Variants in INPP4B observed in about 807,000 individuals in gnomAD.
INPP4B encodes inositol polyphosphate-4-phosphatase type II B.
In INPP4B, 55 loss-of-function variants were observed where a neutral mutation model predicts 122.5. That is an observed-to-expected ratio of 0.45 (90% CI 0.36 to 0.56). The LOEUF is 0.56. Ranked by LOEUF, INPP4B falls within the 20% of genes least tolerant of loss-of-function variation. The pLI, the probability that INPP4B is intolerant of heterozygous loss-of-function variation, is 0.00. For synonymous variants in INPP4B, 403 were observed against 388.7 expected (o/e 1.04, Z -0.43); for missense variants, 1,000 against 1,097.7 (o/e 0.91, Z 1.26).
intron 2 of INPP4B, among the ~76,000 whole-genome samples, chr4:142,610,780 A>G (rs769061226): frequency 6.6e-6 from 1 of 152,184 alleles, no homozygotes; most frequent in Non-Finnish European, 1.5e-5. Context: ...AAATATATAT[A>G]TGTATGTGTA....
intron 10 of INPP4B, among the ~76,000 whole-genome samples, chr4:142,263,639 AATATATATATATATATATATATATATAT>A (rs36227189): frequency 4.8e-5 from 2 of 41,808 alleles, no homozygotes; most frequent in Admixed American, 2.4e-4. Flanking sequence ...AAATTCGTAA[AATATATATATATATATATATATATATAT>A]ATATATATAT....
chr4:142,524,915 G>C (rs548994360), intron 2 of INPP4B, among the ~76,000 whole-genome samples: 1 of 152,000 alleles, frequency 6.6e-6, no homozygotes, highest in Non-Finnish European at 1.5e-5. Context: ...AGGAAATAAA[G>C]GGCATTCAAT....
intron 25 of INPP4B, among the ~76,000 whole-genome samples, chr4:142,030,995 A>T (rs748794036): frequency 2.6e-5 from 4 of 152,146 alleles, no homozygotes; most frequent in Non-Finnish European, 5.9e-5. Flanking sequence ...CTGAAAAGAG[A>T]CCCATATTTA....
intron 2 of INPP4B, among the ~76,000 whole-genome samples, chr4:142,689,183 G>A (rs1023148695): frequency 4.6e-5 from 7 of 152,142 alleles, no homozygotes; most frequent in Non-Finnish European, 1.0e-4. Context: ...TAGGCAGCGG[G>A]CAAGGAGAAC....
In INPP4B at chr4:142,490,912, T is replaced by C. The variant is rs192277811; in HGVS notation, c.-190-28186A>G. Among the ~76,000 whole-genome samples, 625 of 152,330 alleles carry C rather than the reference T, an allele frequency of 4.1e-3. 4 individuals carry two copies. The highest frequency in any genetic ancestry group is 0.014 in the African/African-American group (594 of 41,590). On this transcript the variant is annotated intron_variant, in intron 2 of 25. Transcript: ENST00000262992. The stretch of plus-strand genomic sequence containing the variant: ...GACAGGATTTCCTACTTTTTAAGGC[T>C]GAATAGTATAATACTTCATTGTGTA...
intron 9 of INPP4B, among the ~76,000 whole-genome samples, chr4:142,299,245 C>CCGTCCTGGGCTCAAAAAGGGAT (rs1310753026): frequency 8.5e-6 from 1 of 118,152 alleles, no homozygotes; most frequent in East Asian, 3.0e-4. Context: ...TGCAACTTCA[C>CCGTCCTGGGCTCAAAAAGGGAT]CCTCCTGGGC....
chr4:142,345,550 G>C (rs946547264), intron 7 of INPP4B, among the ~76,000 whole-genome samples: 3 of 151,914 alleles, frequency 2.0e-5, no homozygotes, highest in African/African-American at 7.2e-5. Flanking sequence ...TTTGAAGTGG[G>C]AATAGTACAC....
intron 15 of INPP4B, among the ~76,000 whole-genome samples, chr4:142,187,526 C>T (rs1178263198): frequency 1.3e-5 from 2 of 151,426 alleles, no homozygotes; most frequent in East Asian, 1.9e-4. Context: ...GTGTGTATAT[C>T]TATCTATATA....
chr4:142,310,938 C>T (rs971828958), intron 8 of INPP4B, among the ~76,000 whole-genome samples: 2 of 152,066 alleles, frequency 1.3e-5, no homozygotes, highest in East Asian at 1.9e-4. Flanking sequence ...TTAGTATTTG[C>T]TTGACTAAGT....
At chr4:142,564,480 A>AAG (rs1553960111) in intron 2 of INPP4B, among the ~76,000 whole-genome samples, 3 of 149,904 alleles carry the variant, frequency 2.0e-5, no homozygotes, top group Admixed American at 6.6e-5. Context: ...AGAAAGAAAA[A>AAG]AAAGAAACTC....
chr4:142,182,623 T>C (rs894839160), intron 15 of INPP4B, among the ~76,000 whole-genome samples: 1 of 151,884 alleles, frequency 6.6e-6, no homozygotes, highest in Non-Finnish European at 1.5e-5. Flanking sequence ...TTTTCTTATT[T>C]CTCAAAATGT....
At chr4:142,540,595 G>T (rs1828824324) in intron 2 of INPP4B, among the ~76,000 whole-genome samples, 1 of 152,188 alleles carries the variant, frequency 6.6e-6, no homozygotes, top group South Asian at 2.1e-4. Flanking sequence ...TCCAGATGAA[G>T]TCCTGAGGCA....
chr4:142,610,629 T>C (rs147278872), intron 2 of INPP4B, among the ~76,000 whole-genome samples: 8 of 152,194 alleles, frequency 5.3e-5, no homozygotes, highest in Non-Finnish European at 1.2e-4. Flanking sequence ...TACTCCTAAT[T>C]AGTTGTGTGG....
chr4:142,236,556 CA>C (rs1238776218), intron 12 of INPP4B, among the ~76,000 whole-genome samples: 1 of 152,178 alleles, frequency 6.6e-6, no homozygotes. Flanking sequence ...TTATTATCCT[CA>C]CTCTGCTACT....
chr4:142,679,774 T>G (rs113103068), intron 2 of INPP4B, among the ~76,000 whole-genome samples: 2,580 of 151,762 alleles, frequency 0.017, 34 homozygotes, highest in Non-Finnish European at 0.028. Context: ...TTATATGAGA[T>G]TCAATGCTTA....
At chr4:142,104,383 G>A (rs190013805) in intron 23 of INPP4B, among the ~76,000 whole-genome samples, 3 of 152,272 alleles carry the variant, frequency 2.0e-5, no homozygotes, top group Admixed American at 2.0e-4. Flanking sequence ...AAAAGGGAAT[G>A]TGAAGGATGT....
intron 2 of INPP4B, among the ~76,000 whole-genome samples, chr4:142,491,406 C>A (rs1580198688): frequency 6.6e-6 from 1 of 152,254 alleles, no homozygotes; most frequent in South Asian, 2.1e-4. Context: ...TGGGCCACAG[C>A]ACTTTAAGAG....
At chr4:142,277,964 G>T (rs1245548922) in intron 9 of INPP4B, among the ~76,000 whole-genome samples, 8 of 151,824 alleles carry the variant, frequency 5.3e-5, no homozygotes, top group Non-Finnish European at 1.2e-4. Context: ...CAGTTGCACT[G>T]CTCGGATGAT....
intron 23 of INPP4B, among the ~76,000 whole-genome samples, chr4:142,102,062 A>G (rs540232239): frequency 2.0e-5 from 3 of 152,184 alleles, no homozygotes; most frequent in African/African-American, 7.2e-5. Flanking sequence ...TACTTGTCCC[A>G]ATGGAGTCCT....
Sources: allele counts gnomAD v4.1 joint callset (sites outside exome capture counted in the v4.1 genomes callset), GRCh38; gene constraint gnomAD v4.1.1; transcripts MANE v1.5; gene names NCBI Gene and HGNC (gene_info 2026-07-23, HGNC 2026-07-21).